The following KIDINS220 variants were observed in gnomAD, a reference collection of about 807,000 sequenced individuals.
The protein encoded by KIDINS220 is kinase D interacting substrate 220, also known as kinase D-interacting substrate of 220 kDa.
KIDINS220 carries 63 observed loss-of-function variants against 157.6 expected under a neutral mutation model. The observed-to-expected ratio is 0.40, with a 90% CI of 0.33 to 0.49. The LOEUF (loss-of-function observed/expected upper bound fraction) is 0.49. KIDINS220 is among the 20% of genes least tolerant of loss of function. The pLI, the probability that KIDINS220 is intolerant of heterozygous loss-of-function variation, is 0.66. For synonymous variants in KIDINS220, 732 were observed against 783.6 expected (o/e 0.93, Z 1.10); for missense variants, 1,772 against 2,171.2 (o/e 0.82, Z 3.65).
intron 22 of KIDINS220, among the ~76,000 whole-genome samples, chr2:8,765,199 A>G (rs887028297): frequency 2.6e-5 from 4 of 152,210 alleles, no homozygotes; most frequent in Non-Finnish European, 5.9e-5. Context: ...GCCTGAATAC[A>G]GGTTTTGACC....
intron 12 of KIDINS220, 25 bp from the exon 13 acceptor site, chr2:8,791,249 T>TA (rs1445813298): frequency 1.3e-6 from 2 of 1,527,040 alleles, no homozygotes; most frequent in Non-Finnish European, 1.8e-6. Flanking sequence ...CATCATATCT[T>TA]ACATTAAACA....
At chr2:8,743,335 G>T (rs1665887442) in intron 26 of KIDINS220, among the ~76,000 whole-genome samples, 1 of 152,152 alleles carries the variant, frequency 6.6e-6, no homozygotes, top group Non-Finnish European at 1.5e-5. Context: ...CTGAGACAAA[G>T]ATGATTTAAC....
intron 7 of KIDINS220, among the ~76,000 whole-genome samples, chr2:8,803,473 T>C (rs1675011538): frequency 6.6e-6 from 1 of 152,080 alleles, no homozygotes; most frequent in Admixed American, 6.6e-5. Context: ...AACACCTATA[T>C]AGAATGTGTT....
intron 15 of KIDINS220, among the ~76,000 whole-genome samples, chr2:8,788,336 C>T (rs936523623): frequency 1.5e-4 from 22 of 151,608 alleles, no homozygotes; most frequent in African/African-American, 5.3e-4. Flanking sequence ...TGGCGCGATC[C>T]TGGCTCACTG....
At position 8,798,594 on chromosome 2, in the gene KIDINS220, C is replaced by A. The variant is rs182344011; in HGVS notation, c.901-294G>T. ...ACACTGGGTTAGGAGTCATCAGTACCTGAACCCTGTAAACTCAGACATGTC... is the reference window on the plus strand; with the variant it reads ...ACACTGGGTTAGGAGTCATCAGTACATGAACCCTGTAAACTCAGACATGTC... On this transcript the variant is annotated intron_variant, in intron 9 of 29. Transcript: ENST00000256707. Among the ~76,000 whole-genome samples the A allele has an allele frequency of 2.2e-3, 335 of 152,338 alleles. 2 individuals carry two copies. The highest frequency in any genetic ancestry group is 6.8e-3 in the Middle Eastern group (2 of 294).
intron 2 of KIDINS220, among the ~76,000 whole-genome samples, chr2:8,820,845 G>T (rs1023302562): frequency 6.6e-6 from 1 of 152,084 alleles, no homozygotes; most frequent in Non-Finnish European, 1.5e-5. Context: ...TGCCACGCAC[G>T]CCTCTGTCCG....
intron 20 of KIDINS220, 130 bp downstream of exon 20, chr2:8,778,509 A>G: frequency 2.7e-6 from 2 of 739,540 alleles, no homozygotes; most frequent in East Asian, 5.0e-5. Flanking sequence ...CTGAAAGGAA[A>G]TTCAATGATA....
At chr2:8,837,207 G>T (rs1422186096) in intron 1 of KIDINS220, among the ~76,000 whole-genome samples, 1 of 152,104 alleles carries the variant, frequency 6.6e-6, no homozygotes, top group South Asian at 2.1e-4. Flanking sequence ...CCACCCGAGG[G>T]GCCCCTCAGG....
Position 8,730,252 on chromosome 2 carries a change from T to A in KIDINS220, c.*468A>T. The stretch of plus-strand genomic sequence containing the variant: ...GTTTACTCAGCCTCTCCCTGTAGCG[T>A]CACAGGCTGTGCACTCACCTAGGTG... On this transcript the variant is annotated 3_prime_UTR_variant, in exon 30 of 30. Transcript: ENST00000256707. 2 of 990,346 alleles carry A rather than the reference T, an allele frequency of 2.0e-6. No individual in the cohort carries two copies. The highest frequency in any genetic ancestry group is 2.4e-6 in the Non-Finnish European group (2 of 833,430). 61.3% of individuals were successfully genotyped at this position (990,346 alleles called of 1,614,324 possible).
At chr2:8,834,097 G>T (rs983997130) in intron 1 of KIDINS220, among the ~76,000 whole-genome samples, 1 of 152,026 alleles carries the variant, frequency 6.6e-6, no homozygotes, top group African/African-American at 2.4e-5. Context: ...TAAGTCTCCA[G>T]CAACAATCAC....
intron 12 of KIDINS220, 57 bp downstream of exon 12, chr2:8,793,753 C>T (rs547261327): frequency 1.7e-4 from 249 of 1,466,286 alleles, no homozygotes; most frequent in Non-Finnish European, 2.2e-4. Flanking sequence ...TTTCCATATT[C>T]TTTAATGGAA....
intron 27 of KIDINS220, 114 bp downstream of exon 27, chr2:8,736,754 A>T: frequency 8.6e-7 from 1 of 1,162,072 alleles, no homozygotes; most frequent in East Asian, 2.4e-5. Flanking sequence ...GAGCTTTCCC[A>T]TTTTAACAGG....
At chr2:8,801,782 T>G (rs997538739) in intron 8 of KIDINS220, among the ~76,000 whole-genome samples, 1 of 152,162 alleles carries the variant, frequency 6.6e-6, no homozygotes, top group Non-Finnish European at 1.5e-5. Flanking sequence ...GGCATGCACC[T>G]GTAGTCCCAG....
chr2:8,796,155 A>G (rs756165421), intron 11 of KIDINS220, among the ~76,000 whole-genome samples: 5 of 152,238 alleles, frequency 3.3e-5, no homozygotes, highest in Non-Finnish European at 5.9e-5. Context: ...ATCATTCATC[A>G]GAGGAGAAAA....
intron 11 of KIDINS220, among the ~76,000 whole-genome samples, chr2:8,794,979 T>C (rs1444992559): frequency 2.0e-5 from 3 of 152,220 alleles, no homozygotes; most frequent in East Asian, 3.8e-4. Context: ...GATATAAAGA[T>C]GTAAGACAAA....
At chr2:8,833,076 A>G (rs1159542273) in intron 1 of KIDINS220, among the ~76,000 whole-genome samples, 1 of 152,188 alleles carries the variant, frequency 6.6e-6, no homozygotes, top group Non-Finnish European at 1.5e-5. Flanking sequence ...CTACTTTAAA[A>G]TATACCATAA....
chr2:8,809,842 A>G, intron 6 of KIDINS220, among the ~76,000 whole-genome samples: 1 of 152,090 alleles, frequency 6.6e-6, no homozygotes, highest in Non-Finnish European at 1.5e-5. Flanking sequence ...ATTTTTTCTA[A>G]AACACCCCTT....
rs1010761756 is a variant in KIDINS220 at position 8,730,877 on chromosome 2, T to C, written c.5159A>G (p.Asn1720Ser). 3 of 1,614,058 alleles carry C rather than the reference T, an allele frequency of 1.9e-6. No individual in the cohort carries two copies. The highest frequency in any genetic ancestry group is 2.7e-5 in the African/African-American group (2 of 74,918). ...ATTCTCATTCTGAATAGTGGTTGGGTTGGGACTGGAACTAGGCCTCAAAAT... is the reference window on the plus strand; with the variant it reads ...ATTCTCATTCTGAATAGTGGTTGGGCTGGGACTGGAACTAGGCCTCAAAAT... ...QVILRPSSSP[N>S]PTTIQNENLK... The change falls in exon 30 of 30, where the codon AAC becomes AGC. Residue 1720 changes from asparagine to serine, a missense_variant. Around this residue, in one of 3 missense-constraint regions of KIDINS220, gnomAD observed 793 missense variants for 885.5 expected, o/e 0.90. Transcript: ENST00000256707.
intron 8 of KIDINS220, among the ~76,000 whole-genome samples, chr2:8,801,015 T>C (rs1002093053): frequency 2.6e-5 from 4 of 152,172 alleles, no homozygotes; most frequent in African/African-American, 9.7e-5. Flanking sequence ...CCTAGTGGAT[T>C]TGACAGTTAC....
Sources: allele counts gnomAD v4.1 joint callset (sites outside exome capture counted in the v4.1 genomes callset), GRCh38; gene constraint gnomAD v4.1.1; regional missense constraint gnomAD v4.1.1; transcripts MANE v1.5; gene names NCBI Gene and HGNC (gene_info 2026-07-23, HGNC 2026-07-21).